PDIA3: variants seen among roughly 807,000 people sequenced by gnomAD.
The protein encoded by PDIA3 is protein disulfide isomerase family A member 3, also known as protein disulfide-isomerase A3.
In PDIA3, 16 loss-of-function variants were observed where a neutral mutation model predicts 56.9. The ratio of observed to expected loss-of-function variants is 0.28; its 90% CI spans 0.19 to 0.43. The LOEUF (loss-of-function observed/expected upper bound fraction) is 0.43. Ranked by LOEUF, PDIA3 falls within the 20% of genes least tolerant of loss-of-function variation. The pLI is 1.00. For synonymous variants in PDIA3, 192 were observed against 216.5 expected, an observed-to-expected ratio of 0.89 and a Z score of 0.99; for missense variants, 485 against 621.3, an observed-to-expected ratio of 0.78 and a Z score of 2.33.
rs1314604486 is a variant in PDIA3 at position 43,764,916 on chromosome 15, T to A, written c.603-534T>A. Among the ~76,000 whole-genome samples, 3 of 152,340 alleles carry A rather than the reference T, an allele frequency of 2.0e-5. No individual in the cohort carries two copies. The East Asian group carries it at 5.8e-4, about 29-fold the overall frequency. ...TGATTAGAACCACGTTCTCTTAATT[T>A]TCTAACCCAAAATTTAGTAAACCCT... On this transcript the variant is annotated intron_variant, in intron 5 of 12. Coordinates refer to ENST00000300289, the MANE Select transcript of PDIA3 (RefSeq NM_005313.5).
intron 3 of PDIA3, among the ~76,000 whole-genome samples, chr15:43,760,591 C>T (rs1362207044): frequency 6.7e-6 from 1 of 148,962 alleles, no homozygotes; most frequent in South Asian, 2.1e-4. Flanking sequence ...TGCAGTGGCA[C>T]GACCTCGGCT....
chr15:43,754,223 G>A (rs1015192329), intron 2 of PDIA3, among the ~76,000 whole-genome samples: 19 of 151,920 alleles, frequency 1.3e-4, no homozygotes, highest in Non-Finnish European at 2.6e-4. Flanking sequence ...GTGAAACCCT[G>A]TCTCAACTAA....
chr15:43,769,654 T>G lies in PDIA3; in HGVS notation c.1266+8T>G. 1 of 1,613,632 alleles carries G rather than the reference T, an allele frequency of 6.2e-7. No homozygotes were observed. The highest frequency in any genetic ancestry group is 8.5e-7 in the Non-Finnish European group (1 of 1,179,780). Reference sequence around the variant, plus strand: ...AAAGAACTTGGCGAGAAGGTAAGTGTGAACCCTATTCTGAGGATAACATTT... The same window carrying G: ...AAAGAACTTGGCGAGAAGGTAAGTGGGAACCCTATTCTGAGGATAACATTT... On this transcript the variant is annotated splice_region_variant and intron_variant, in intron 10 of 12. Transcript: ENST00000300289.
At chr15:43,764,045 A>G (rs1470420296) in intron 5 of PDIA3, among the ~76,000 whole-genome samples, 1 of 152,190 alleles carries the variant, frequency 6.6e-6, no homozygotes, top group South Asian at 2.1e-4. Flanking sequence ...AAGAGCTTTG[A>G]TTTTATCTTT....
In PDIA3 at chr15:43,756,640, G is replaced by T. The variant is rs2086780050; in HGVS notation, c.247-9G>T. On this transcript the variant is annotated splice_polypyrimidine_tract_variant and intron_variant, in intron 2 of 12. Transcript: ENST00000300289. ...GATAAGAAAATAGTTTGTGTATTTT[G>T]ATCTTTAGGTTGATTGCACTGCCAA... 1.4e-6 allele frequency: 2 copies of T among 1,463,450 alleles called. No homozygotes were observed. The highest frequency in any genetic ancestry group is 1.1e-5 in the South Asian group (1 of 87,804). 90.7% of individuals were successfully genotyped at this position (1,463,450 alleles called of 1,614,324 possible). A position where few individuals can be genotyped will look rare whatever the true frequency, so the allele number is the denominator to read the frequency against.
intron 2 of PDIA3, 132 bp from the exon 3 acceptor site, chr15:43,756,517 T>C: frequency 1.5e-6 from 1 of 648,578 alleles, no homozygotes; most frequent in Non-Finnish European, 2.8e-6. Flanking sequence ...TAAAATCTAA[T>C]GTTCTGTGGC....
chr15:43,765,852 G>T (rs1254831095), intron 6 of PDIA3, 35 bp from the exon 7 acceptor site: 1 of 1,587,744 alleles, frequency 6.3e-7, no homozygotes, highest in Non-Finnish European at 8.5e-7. Flanking sequence ...CTAAAAACTT[G>T]GCAAGCCAGT....
At chr15:43,764,215 A>G (rs546607211) in intron 5 of PDIA3, among the ~76,000 whole-genome samples, 70 of 152,276 alleles carry the variant, frequency 4.6e-4, no homozygotes, top group African/African-American at 1.6e-3. Context: ...TCCCACGTAA[A>G]TGGGTTAAAT....
At chr15:43,764,719 CG>C (rs1425428467) in intron 5 of PDIA3, among the ~76,000 whole-genome samples, 1 of 152,120 alleles carries the variant, frequency 6.6e-6, no homozygotes, top group Non-Finnish European at 1.5e-5. Context: ...CTGTCTGCCT[CG>C]GGCTCCCAAA....
At chr15:43,750,174 T>A (rs1942464740) in intron 1 of PDIA3, among the ~76,000 whole-genome samples, 1 of 133,466 alleles carries the variant, frequency 7.5e-6, no homozygotes, top group African/African-American at 3.0e-5. Flanking sequence ...CTGGCTAATT[T>A]TTTTTTTTTT....
intron 1 of PDIA3, among the ~76,000 whole-genome samples, chr15:43,749,072 GT>G (rs1359059243): frequency 6.6e-6 from 1 of 150,800 alleles, no homozygotes; most frequent in Non-Finnish European, 1.5e-5. Flanking sequence ...CACCCAGCCT[GT>G]TTTTTTGTTT....
At chr15:43,766,037 C>G in intron 7 of PDIA3, 25 bp downstream of exon 7, 1 of 1,606,792 alleles carries the variant, frequency 6.2e-7, no homozygotes, top group Non-Finnish European at 8.5e-7. Context: ...GTTTTTCCCT[C>G]ATGAACAAGT....
In PDIA3 at chr15:43,768,571, C is replaced by G. The variant is rs773803269; in HGVS notation, c.1111C>G (p.Pro371Ala). Residue 371 changes from proline to alanine, a missense_variant, in exon 9 of 13, where the codon CCA becomes GCA. Pro to Ala is a conservative substitution (Grantham distance 27). Coordinates refer to ENST00000300289, the MANE Select transcript of PDIA3 (RefSeq NM_005313.5). Reference protein sequence around the residue: ...LKRYLKSEPIPESNDGPVKVV... With the variant: ...LKRYLKSEPIAESNDGPVKVV... Reference sequence around the variant, plus strand: ...GAGATACCTGAAGTCTGAACCTATCCCAGAGAGCAATGATGGGCCTGTGAA... The same window carrying G: ...GAGATACCTGAAGTCTGAACCTATCGCAGAGAGCAATGATGGGCCTGTGAA... 5.0e-6 allele frequency: 8 copies of G among 1,612,078 alleles called. No homozygotes were observed. The highest frequency in any genetic ancestry group is 5.9e-6 in the Non-Finnish European group (7 of 1,178,338).
In PDIA3 at chr15:43,760,777, C is replaced by T. The variant is rs549239951; in HGVS notation, c.365-647C>T. 1.6e-4 allele frequency among the ~76,000 whole-genome samples: 24 copies of T among 151,376 alleles called. No homozygotes were observed. The East Asian group carries it at 2.4e-3, about 15-fold the overall frequency. On this transcript the variant is annotated intron_variant, in intron 3 of 12. Transcript: ENST00000300289. ...CGATCTCCTGACCTCGTGATCTGCC[C>T]GCCTCGGCCTCCCAAAGTGCTGTGA...
chr15:43,760,519 T>TA (rs35560156), intron 3 of PDIA3, among the ~76,000 whole-genome samples: 21,970 of 139,202 alleles, frequency 0.16, 2,319 homozygotes, highest in African/African-American at 0.28. Context: ...ATGTTTCTGT[T>TA]AAAAAAAAAA....
At chr15:43,765,610 T>C (rs752430807) in intron 6 of PDIA3, 44 bp downstream of exon 6, 10 of 1,227,890 alleles carry the variant, frequency 8.1e-6, no homozygotes, top group Non-Finnish European at 1.2e-5. Flanking sequence ...TTTGCTTGAT[T>C]TTAGTTTGTT....
chr15:43,748,582 CTG>C (rs2086722578), intron 1 of PDIA3, among the ~76,000 whole-genome samples: 2 of 152,328 alleles, frequency 1.3e-5, no homozygotes, highest in South Asian at 4.1e-4. Context: ...CAGGCACTGA[CTG>C]TCCCAAGAAT....
chr15:43,754,829 T>C (rs189880753), intron 2 of PDIA3, among the ~76,000 whole-genome samples: 5 of 151,130 alleles, frequency 3.3e-5, no homozygotes, highest in Non-Finnish European at 5.9e-5. Flanking sequence ...ACAGGCAGGC[T>C]TCCATAGTCC....
chr15:43,751,479 AAT>A, intron 1 of PDIA3: 1 of 656,568 alleles, frequency 1.5e-6, no homozygotes. Flanking sequence ...GGATAGATAG[AAT>A]TAATTGTGTT....
Sources: allele counts gnomAD v4.1 joint callset (sites outside exome capture counted in the v4.1 genomes callset), GRCh38; gene constraint gnomAD v4.1.1; transcripts MANE v1.5; gene names NCBI Gene and HGNC (gene_info 2026-07-23, HGNC 2026-07-21).